Variants in PDE8B observed in about 807,000 individuals in gnomAD.
PDE8B encodes the protein high affinity cAMP-specific and IBMX-insensitive 3',5'-cyclic phosphodiesterase 8B.
In PDE8B, 26 loss-of-function variants were observed where a neutral mutation model predicts 101.3. That is an observed-to-expected ratio of 0.26 (90% confidence interval 0.19 to 0.36). The LOEUF is 0.36. Among genes scored for constraint, PDE8B ranks in the 10% least tolerant of loss-of-function variants. PDE8B has a pLI of 1.00. For missense variants in PDE8B, 810 were observed against 1,163.1 expected (o/e 0.70, Z 4.42); for synonymous variants, 424 against 429.3 (o/e 0.99, Z 0.15).
the PDE8B span, chr5:77,134,170 G>A: frequency 6.6e-6 from 1 of 152,238 alleles, no homozygotes; most frequent in Non-Finnish European, 1.5e-5. Context: ...GCCTCATAAA[G>A]CATTGGAATG....
intron 1 of PDE8B, among the ~76,000 whole-genome samples, chr5:77,283,930 C>T (rs1411933823): frequency 1.3e-5 from 2 of 152,192 alleles, no homozygotes; most frequent in African/African-American, 4.8e-5. Flanking sequence ...GTGACTCTAC[C>T]ATTTTGCATT....
At chr5:77,189,307 G>T in the PDE8B span, among the ~76,000 whole-genome samples, 2 of 152,216 alleles carry the variant, frequency 1.3e-5, no homozygotes, top group East Asian at 3.9e-4. Context: ...ACCTTCAAGT[G>T]TTGGGATAAA....
intron 11 of PDE8B, 131 bp downstream of exon 11, chr5:77,400,421 A>G (rs1792020661): frequency 1.4e-6 from 1 of 721,152 alleles, no homozygotes; most frequent in Non-Finnish European, 2.5e-6. Flanking sequence ...CCACGTGCTC[A>G]TATCACAAGG....
the PDE8B span, among the ~76,000 whole-genome samples, chr5:77,200,824 T>C: frequency 6.6e-6 from 1 of 152,178 alleles, no homozygotes; most frequent in Non-Finnish European, 1.5e-5. Context: ...TTTCTGTCTA[T>C]GATATTATAA....
At chr5:77,398,429 C>T (rs1791539946) in intron 10 of PDE8B, among the ~76,000 whole-genome samples, 1 of 150,128 alleles carries the variant, frequency 6.7e-6, no homozygotes, top group African/African-American at 2.5e-5. Flanking sequence ...TCAAGCAATT[C>T]TCCTGCCTCA....
At chr5:77,426,226 G>A in intron 21 of PDE8B, 1 of 609,854 alleles carries the variant, frequency 1.6e-6, no homozygotes. Flanking sequence ...AGTTTACTCT[G>A]AATCACAGGT....
intron 10 of PDE8B, among the ~76,000 whole-genome samples, chr5:77,360,051 G>A (rs1039974221): frequency 2.7e-5 from 4 of 150,086 alleles, no homozygotes; most frequent in South Asian, 4.2e-4. Flanking sequence ...AGATCATGCC[G>A]CTGCACTCCA....
At chr5:77,321,555 G>A (rs933725257) in intron 2 of PDE8B, among the ~76,000 whole-genome samples, 2 of 152,118 alleles carry the variant, frequency 1.3e-5, no homozygotes, top group Non-Finnish European at 2.9e-5. Context: ...CCTAGCTATA[G>A]CCTGGGAGAT....
chr5:77,236,659 G>A (rs1754754679), intron 1 of PDE8B, among the ~76,000 whole-genome samples: 2 of 152,300 alleles, frequency 1.3e-5, no homozygotes, highest in South Asian at 4.1e-4. Context: ...TGGTGATGGA[G>A]GCAAAATCTT....
chr5:77,406,666 G>A (rs2151053365), intron 12 of PDE8B, among the ~76,000 whole-genome samples: 1 of 152,350 alleles, frequency 6.6e-6, no homozygotes, highest in South Asian at 2.1e-4. Context: ...TCCCATCCAT[G>A]AAATGGGACT....
chr5:77,344,157 G>A, intron 6 of PDE8B, among the ~76,000 whole-genome samples: 1 of 152,144 alleles, frequency 6.6e-6, no homozygotes, highest in East Asian at 1.9e-4. Context: ...ATGATAAATA[G>A]TATAGCAAAT....
upstream of PDE8B, chr5:77,210,555 C>A (rs1333362616): frequency 5.5e-6 from 5 of 909,176 alleles, no homozygotes; most frequent in Non-Finnish European, 6.5e-6. This position sits in a 1 kb window ranked among gnomAD's most constrained non-coding sequence, Gnocchi z 4.9. Context: ...TGCGGGAGCC[C>A]GGCGAGGTCG....
chr5:77,101,631 G>A, the PDE8B span, among the ~76,000 whole-genome samples: 1 of 151,818 alleles, frequency 6.6e-6, no homozygotes, highest in African/African-American at 2.4e-5. Context: ...TTGTTTCTTA[G>A]AAGCTAGCCT....
At chr5:77,293,940 G>A (rs574942853) in intron 1 of PDE8B, among the ~76,000 whole-genome samples, 2 of 152,074 alleles carry the variant, frequency 1.3e-5, no homozygotes, top group African/African-American at 2.4e-5. Context: ...GTGTATGTTG[G>A]ATATAAGTCC....
At chr5:77,225,632 G>A (rs769581391) in intron 1 of PDE8B, among the ~76,000 whole-genome samples, 3 of 152,042 alleles carry the variant, frequency 2.0e-5, no homozygotes, top group Non-Finnish European at 4.4e-5. Flanking sequence ...CATTGCTTCT[G>A]GACTTTTTAA....
At chr5:77,179,148 T>C in the PDE8B span, among the ~76,000 whole-genome samples, 2 of 152,228 alleles carry the variant, frequency 1.3e-5, no homozygotes, top group Non-Finnish European at 2.9e-5. Context: ...TGTGAAAAAA[T>C]GCTTGGGCTC....
At chr5:77,375,782 A>G (rs1785953529) in intron 10 of PDE8B, among the ~76,000 whole-genome samples, 1 of 152,062 alleles carries the variant, frequency 6.6e-6, no homozygotes, top group Non-Finnish European at 1.5e-5. Context: ...CTCATGTCAC[A>G]TGAGATACAT....
chr5:77,184,480 A>C, the PDE8B span, among the ~76,000 whole-genome samples: 27 of 152,364 alleles, frequency 1.8e-4, no homozygotes, highest in African/African-American at 6.3e-4. Flanking sequence ...AAATATGTGC[A>C]GTTAGAGGTC....
At chr5:77,358,191 G>A (rs938427140) in intron 10 of PDE8B, among the ~76,000 whole-genome samples, 1 of 152,196 alleles carries the variant, frequency 6.6e-6, no homozygotes, top group Non-Finnish European at 1.5e-5. Flanking sequence ...GAGAGAAGAG[G>A]GTGGTGGGGG....
Sources: allele counts gnomAD v4.1 joint callset (sites outside exome capture counted in the v4.1 genomes callset), GRCh38; gene constraint gnomAD v4.1.1; non-coding constraint Gnocchi (gnomAD v3.1); transcripts MANE v1.5; gene names NCBI Gene and HGNC (gene_info 2026-07-23, HGNC 2026-07-21).